SIPA1L1: variants seen among roughly 807,000 people sequenced by gnomAD.
The protein encoded by SIPA1L1 is signal-induced proliferation-associated 1-like protein 1.
A neutral mutation model predicts 162.7 loss-of-function variants in SIPA1L1; 26 were observed. The observed-to-expected ratio is 0.16, with a 90% CI of 0.12 to 0.22. The LOEUF is 0.22. SIPA1L1 is among the 10% of genes least tolerant of loss of function. The probability of loss-of-function intolerance (pLI) is 1.00; values close to 1 mark genes in which losing one functional copy is unlikely to be tolerated. For missense variants in SIPA1L1, 1,874 were observed against 2,241.0 expected (o/e 0.84, Z 3.31); for synonymous variants, 829 against 837.4 (o/e 0.99, Z 0.17).
At chr14:71,381,502 T>C (rs2039901694) in intron 2 of SIPA1L1, among the ~76,000 whole-genome samples, 1 of 152,202 alleles carries the variant, frequency 6.6e-6, no homozygotes, top group African/African-American at 2.4e-5. Context: ...TAAAAATAGT[T>C]TAAAAAATGG....
chr14:71,640,002 C>G (rs914370717), intron 7 of SIPA1L1, among the ~76,000 whole-genome samples: 2 of 152,090 alleles, frequency 1.3e-5, no homozygotes, highest in African/African-American at 4.8e-5. Flanking sequence ...CTCCCAGATT[C>G]AAGCAATTCT....
rs1004298975 is a variant in SIPA1L1, at chr14:71,642,253, CCAGGCTACAGTA to C, written c.1819-8076_1819-8065del. Among the ~76,000 whole-genome samples the C allele has an allele frequency of 3.3e-5, 5 of 152,278 alleles. No homozygotes were observed. The South Asian group carries it at 8.3e-4, about 25-fold the overall frequency. On this transcript the variant is annotated intron_variant, in intron 7 of 23. Transcript: ENST00000381232. ...CCAGCTTTCTGCCTGAAGAGAGTTT[CCAGGCTACAGTA>C]CAGGCAGGGGGTACCCAGTTAAAGG...
At chr14:71,693,584 A>G (rs1441300441) in intron 13 of SIPA1L1, among the ~76,000 whole-genome samples, 1 of 152,236 alleles carries the variant, frequency 6.6e-6, no homozygotes, top group Non-Finnish European at 1.5e-5. Context: ...AACTCTGTTC[A>G]CAAAGTACAC....
At chr14:71,614,030 C>G (rs2038530166) in intron 5 of SIPA1L1, among the ~76,000 whole-genome samples, 1 of 151,938 alleles carries the variant, frequency 6.6e-6, no homozygotes, top group Admixed American at 6.6e-5. Flanking sequence ...GGTGAAACCT[C>G]TACTAAAAAA....
intron 2 of SIPA1L1, among the ~76,000 whole-genome samples, chr14:71,433,582 G>T (rs1176147735): frequency 1.3e-5 from 2 of 152,128 alleles, no homozygotes; most frequent in African/African-American, 2.4e-5. Flanking sequence ...CTCCCAAAGT[G>T]CTGGGATTAC....
chr14:71,611,457 C>A (rs1214123846), intron 5 of SIPA1L1, among the ~76,000 whole-genome samples: 1 of 146,652 alleles, frequency 6.8e-6, no homozygotes, highest in Admixed American at 6.7e-5. Context: ...AGGTTTGTTA[C>A]ATAGGTGTAC....
chr14:71,442,073 T>C (rs1009124596), intron 2 of SIPA1L1, among the ~76,000 whole-genome samples: 1 of 146,202 alleles, frequency 6.8e-6, no homozygotes, highest in African/African-American at 2.6e-5. Context: ...CTTAGGAGGC[T>C]GAGGCAGGGG....
chr14:71,593,314 C>T (rs533739427), intron 5 of SIPA1L1, among the ~76,000 whole-genome samples: 24 of 152,110 alleles, frequency 1.6e-4, no homozygotes, highest in South Asian at 1.0e-3. Flanking sequence ...TGGATTCAAG[C>T]GATTCTCGTG....
At chr14:71,400,025 A>G (rs113151537) in intron 2 of SIPA1L1, among the ~76,000 whole-genome samples, 2,682 of 151,344 alleles carry the variant, frequency 0.018, 31 homozygotes, top group African/African-American at 0.026. Context: ...GGATTTCACC[A>G]TGTTGCCCAG....
intron 2 of SIPA1L1, 40 bp downstream of exon 2, chr14:71,321,221 G>C (rs1025274638): frequency 1.3e-5 from 2 of 152,214 alleles, no homozygotes; most frequent in African/African-American, 2.4e-5. Context: ...GGGAGCGGGG[G>C]TGCAGGACGG....
At chr14:71,612,813 C>G (rs1023550623) in intron 5 of SIPA1L1, among the ~76,000 whole-genome samples, 1 of 152,192 alleles carries the variant, frequency 6.6e-6, no homozygotes, top group Non-Finnish European at 1.5e-5. Context: ...GAACTATTCG[C>G]TGTTTCCCCT....
chr14:71,328,107 A>T (rs2034051261), intron 2 of SIPA1L1, among the ~76,000 whole-genome samples: 2 of 152,140 alleles, frequency 1.3e-5, no homozygotes, highest in South Asian at 4.2e-4. Flanking sequence ...TTTATTTTTT[A>T]AATTAGGATC....
intron 5 of SIPA1L1, among the ~76,000 whole-genome samples, chr14:71,610,560 CTA>C (rs1174132391): frequency 1.3e-5 from 2 of 152,156 alleles, no homozygotes; most frequent in African/African-American, 4.8e-5. Context: ...AAAAATATAA[CTA>C]TTGGCCATTT....
chr14:71,662,132 T>C (rs549288446), intron 10 of SIPA1L1, among the ~76,000 whole-genome samples: 1 of 152,330 alleles, frequency 6.6e-6, no homozygotes, highest in African/African-American at 2.4e-5. Flanking sequence ...TGTAAGATGT[T>C]TTTAATGTGC....
intron 8 of SIPA1L1, among the ~76,000 whole-genome samples, chr14:71,651,862 GCA>G (rs1487723792): frequency 6.6e-6 from 1 of 152,212 alleles, no homozygotes; most frequent in Non-Finnish European, 1.5e-5. Flanking sequence ...AGCACTTTGT[GCA>G]CAGTTTGTCC....
At chr14:71,710,309 A>G (rs964996593) in intron 17 of SIPA1L1, among the ~76,000 whole-genome samples, 3 of 152,146 alleles carry the variant, frequency 2.0e-5, no homozygotes, top group Admixed American at 2.0e-4. Flanking sequence ...AATAAATACT[A>G]TTTGTCGTTT....
intron 2 of SIPA1L1, among the ~76,000 whole-genome samples, chr14:71,488,308 T>A (rs573806348): frequency 1.2e-3 from 190 of 152,136 alleles, no homozygotes; most frequent in African/African-American, 4.1e-3. Flanking sequence ...TGGCTTAAAA[T>A]ATATATATAT....
intron 2 of SIPA1L1, among the ~76,000 whole-genome samples, chr14:71,406,109 T>G (rs1055541783): frequency 1.3e-5 from 2 of 152,112 alleles, no homozygotes; most frequent in Non-Finnish European, 2.9e-5. Flanking sequence ...AGATGGTCTT[T>G]GGGAGGTAGA....
chr14:71,511,795 C>A (rs1295706368), intron 2 of SIPA1L1, among the ~76,000 whole-genome samples: 15 of 152,142 alleles, frequency 9.9e-5, no homozygotes, highest in Admixed American at 9.8e-4. Context: ...ACTTTCCATC[C>A]CATCCCGTTA....
Sources: gnomAD v4.1 joint callset for allele counts (sites outside exome capture counted in the v4.1 genomes callset) on GRCh38, gnomAD v4.1.1 for gene constraint, MANE v1.5 for transcripts, NCBI Gene and HGNC (gene_info 2026-07-23, HGNC 2026-07-21) for gene names.